GPR55: variants seen among roughly 807,000 people sequenced by gnomAD.
GPR55 encodes the protein G protein-coupled receptor 55.
In GPR55, 6 loss-of-function variants were observed where a neutral mutation model predicts 7.9. The observed-to-expected ratio is 0.76, with a 90% confidence interval of 0.41 to 1.49. GPR55 has a LOEUF of 1.49. Among genes scored for constraint, GPR55 ranks in the 40% most tolerant of loss-of-function variants. GPR55 has a pLI of 0.01. For synonymous variants in GPR55, 183 were observed against 166.8 expected, an observed-to-expected ratio of 1.10 and a Z score of -0.75; for missense variants, 376 against 406.0, an observed-to-expected ratio of 0.93 and a Z score of 0.63.
At chr2:230,954,826 T>C (rs2125071334) in intron 1 of GPR55, among the ~76,000 whole-genome samples, 1 of 152,302 alleles carries the variant, frequency 6.6e-6, no homozygotes, top group South Asian at 2.1e-4. Flanking sequence ...GTGTTTGGAA[T>C]TCAAAGTTAG....
At chr2:230,926,682 C>CTTTTTTTTTTTTTTTTTTTTTTTT (rs56318183), upstream of GPR55, among the ~76,000 whole-genome samples, 1 of 100,942 alleles carries the variant, frequency 9.9e-6, no homozygotes, top group Non-Finnish European at 1.9e-5. Flanking sequence ...TGGCTACCTT[C>CTTTTTTTTTTTTTTTTTTTTTTTT]TTTTTTTTTT....
At chr2:230,960,146 C>T (rs1050146335) in intron 1 of GPR55, among the ~76,000 whole-genome samples, 1 of 152,192 alleles carries the variant, frequency 6.6e-6, no homozygotes, top group African/African-American at 2.4e-5. Flanking sequence ...TGTCCCAGAG[C>T]CTTAATCACA....
intron 1 of GPR55, among the ~76,000 whole-genome samples, chr2:230,940,932 T>C (rs544827973): frequency 2.6e-5 from 4 of 152,012 alleles, no homozygotes; most frequent in African/African-American, 9.7e-5. Context: ...GCCTGGGCAA[T>C]ACGGTGAAAC....
At chr2:230,953,765 C>A (rs79772826) in intron 1 of GPR55, among the ~76,000 whole-genome samples, 10 of 152,198 alleles carry the variant, frequency 6.6e-5, no homozygotes, top group African/African-American at 2.4e-4. Context: ...CATTAAAGAG[C>A]AGGATCTCCT....
intron 1 of GPR55, among the ~76,000 whole-genome samples, chr2:230,943,572 C>T (rs1691267887): frequency 6.6e-6 from 1 of 152,208 alleles, no homozygotes; most frequent in Non-Finnish European, 1.5e-5. Context: ...AGAGCTATCC[C>T]CGTCCAGGGT....
rs994139196 is a variant in GPR55, at chr2:230,944,866, T to C, written c.-135+15909A>G. ...GGTTGTTCAGCCCTCCAAGAATCAT[T>C]CTTGATGCCCTGCAAATACCAGGCG... is the stretch of plus-strand genomic sequence containing the variant. On this transcript the variant is annotated intron_variant, in intron 1 of 1. Coordinates refer to the GPR55 transcript ENST00000392039. The surrounding 1 kb of genome is among the most constrained non-coding windows in gnomAD (Gnocchi z 4.2). Among the ~76,000 whole-genome samples the C allele has an allele frequency of 3.3e-5, 5 of 152,220 alleles. No homozygotes were observed. The highest frequency in any genetic ancestry group is 5.9e-5 in the Non-Finnish European group (4 of 68,040).
chr2:230,940,297 A>G (rs927685451), intron 1 of GPR55, among the ~76,000 whole-genome samples: 4 of 152,112 alleles, frequency 2.6e-5, no homozygotes, highest in African/African-American at 9.7e-5. Context: ...ATTAAAATTC[A>G]GAGCTCAAGG....
chr2:230,911,011 T>C lies in GPR55; in HGVS notation c.-49A>G, dbSNP rs763850186. ...ATCAGACGGGGCTCCTTTCACTCTC[T>C]TGAAGTGATGGATTCAAATGACTTT... is the stretch of plus-strand genomic sequence containing the variant. On this transcript the variant is annotated 5_prime_UTR_variant, in exon 2 of 2. Coordinates refer to ENST00000650999, the MANE Select transcript of GPR55 (RefSeq NM_005683.4). 12 of 1,534,098 alleles carry C rather than the reference T, an allele frequency of 7.8e-6. No homozygotes were observed. The South Asian group carries it at 1.3e-4, about 16-fold the overall frequency.
intron 1 of GPR55, among the ~76,000 whole-genome samples, chr2:230,933,553 G>T (rs143837659): frequency 8.0e-4 from 122 of 152,326 alleles, no homozygotes; most frequent in African/African-American, 2.9e-3. Context: ...TCCCTCCTCA[G>T]GTTGGTCCAC....
At chr2:230,934,812 G>C (rs1465814885) in intron 1 of GPR55, among the ~76,000 whole-genome samples, 1 of 152,160 alleles carries the variant, frequency 6.6e-6, no homozygotes, top group African/African-American at 2.4e-5. Flanking sequence ...CGTCACTGCA[G>C]GTCGGCAAGG....
At chr2:230,930,256 T>A (rs1468728975) in intron 1 of GPR55, among the ~76,000 whole-genome samples, 2 of 152,234 alleles carry the variant, frequency 1.3e-5, no homozygotes, top group Non-Finnish European at 2.9e-5. Flanking sequence ...ACTTATTTTC[T>A]TTTATGTTTC....
intron 1 of GPR55, among the ~76,000 whole-genome samples, chr2:230,938,857 G>T (rs76151875): frequency 6.6e-6 from 1 of 152,156 alleles, no homozygotes; most frequent in Non-Finnish European, 1.5e-5. Context: ...TGAGAGCCTC[G>T]AGTCTAGCTG....
At chr2:230,943,885 C>T (rs61710250) in intron 1 of GPR55, among the ~76,000 whole-genome samples, 31,261 of 152,186 alleles carry the variant, frequency 0.21, 3,618 homozygotes, top group Non-Finnish European at 0.26. Flanking sequence ...GGGCAGATGC[C>T]GGCACCACAC....
chr2:230,953,066 GCACCC>G (rs1447772129), intron 1 of GPR55, among the ~76,000 whole-genome samples: 1 of 152,154 alleles, frequency 6.6e-6, no homozygotes, highest in East Asian at 1.9e-4. Flanking sequence ...GGAAGCATGC[GCACCC>G]CAGAAAAGCT....
intron 1 of GPR55, among the ~76,000 whole-genome samples, chr2:230,950,048 C>T (rs1407586641): frequency 1.3e-5 from 2 of 152,216 alleles, no homozygotes; most frequent in Non-Finnish European, 2.9e-5. Context: ...GCTGGCCAGG[C>T]TGAACGCCTG....
At chr2:230,935,758 G>A (rs1302718894) in intron 1 of GPR55, among the ~76,000 whole-genome samples, 3 of 152,180 alleles carry the variant, frequency 2.0e-5, no homozygotes, top group Non-Finnish European at 2.9e-5. Context: ...TGTCAGAAAC[G>A]CTTGGAAAAA....
chr2:230,910,076 C>T lies in GPR55; in HGVS notation c.887G>A (p.Arg296His), dbSNP rs1338659844. ...AGGCCGGTGGGCCCTGATGTTCATG[C>T]GGAATTCTTTGATGACAAAGTAGTA... ...FCYYFVIKEF[R>H]MNIRAHRPSR... is the part of the protein sequence containing the mutation. Residue 296 changes from arginine (R) to histidine (H), a missense_variant, in exon 2 of 2, where the codon CGC (arginine) becomes CAC (histidine). Arg to His is a conservative substitution (Grantham distance 29, BLOSUM62 0). Transcript: ENST00000650999. The surrounding 1 kb of genome is among the most constrained non-coding windows in gnomAD (Gnocchi z 5.4). 9.9e-6 allele frequency: 16 copies of T among 1,613,820 alleles called. No individual in the cohort carries two copies. Among genetic ancestry groups the T allele is most frequent in the Non-Finnish European group, 1.4e-5 (16 of 1,179,882 alleles).
intron 1 of GPR55, among the ~76,000 whole-genome samples, chr2:230,936,714 C>T (rs185048729): frequency 1.3e-5 from 2 of 152,294 alleles, no homozygotes; most frequent in East Asian, 3.9e-4. Flanking sequence ...GATTTAGGCT[C>T]ATGAAAGGTA....
chr2:230,935,303 T>A (rs1691116730), intron 1 of GPR55, among the ~76,000 whole-genome samples: 1 of 152,090 alleles, frequency 6.6e-6, no homozygotes. Context: ...CGGCAGCCAC[T>A]CCCAGCCCCA....
Sources: allele counts gnomAD v4.1 joint callset (sites outside exome capture counted in the v4.1 genomes callset), GRCh38; gene constraint gnomAD v4.1.1; non-coding constraint Gnocchi (gnomAD v3.1); transcripts MANE v1.5; gene names NCBI Gene and HGNC (gene_info 2026-07-23, HGNC 2026-07-21).